Variants in CRYBG1 observed in about 807,000 individuals in gnomAD.
The protein encoded by CRYBG1 is beta/gamma crystallin domain-containing protein 1.
Under a neutral mutation model 189.2 loss-of-function variants are expected in CRYBG1, and 139 were observed. That is an observed-to-expected ratio of 0.73 (90% CI 0.64 to 0.85). The LOEUF (loss-of-function observed/expected upper bound fraction) is 0.85. Ranked by LOEUF, CRYBG1 falls within the 40% of genes least tolerant of loss-of-function variation. The pLI, the probability that CRYBG1 is intolerant of heterozygous loss-of-function variation, is 0.00. For synonymous variants in CRYBG1, 1,023 were observed against 1,017.1 expected, an observed-to-expected ratio of 1.01 and a Z score of -0.11; for missense variants, 2,611 against 2,675.8, an observed-to-expected ratio of 0.98 and a Z score of 0.53.
At chr6:106,509,821 C>G (rs576882966) in intron 2 of CRYBG1, among the ~76,000 whole-genome samples, 2 of 152,092 alleles carry the variant, frequency 1.3e-5, no homozygotes, top group African/African-American at 2.4e-5. Context: ...CTCTCCCCCC[C>G]ACCCCAATTT....
intron 1 of CRYBG1, among the ~76,000 whole-genome samples, chr6:106,395,159 C>G (rs1182808362): frequency 6.6e-6 from 1 of 151,764 alleles, no homozygotes; most frequent in Admixed American, 6.6e-5. Flanking sequence ...CTTTGAGAGG[C>G]TGAGGTGGGC....
At chr6:106,525,003 T>C (rs933799332) in intron 4 of CRYBG1, 130 bp from the exon 5 acceptor site, 14 of 864,606 alleles carry the variant, frequency 1.6e-5, no homozygotes, top group Non-Finnish European at 2.4e-5. Context: ...TTAGCATCCA[T>C]TAGAGTGGAG....
At chr6:106,384,464 G>A (rs1003603459) in intron 1 of CRYBG1, among the ~76,000 whole-genome samples, 22 of 152,196 alleles carry the variant, frequency 1.4e-4, no homozygotes, top group African/African-American at 5.1e-4. Flanking sequence ...ATCAGTGGGA[G>A]CCCTAAGCAT....
In CRYBG1 at chr6:106,527,346, TC is replaced by T. The variant is rs1026349707; in HGVS notation, c.4458del (p.Leu1487Ter). On this transcript the variant is annotated frameshift_variant, in exon 7 of 22. Transcript: ENST00000633556. LOFTEE classifies it high-confidence loss of function. ...YEQPNFEGHS[I>X]PLEEGELELS... is the part of the protein sequence containing the mutation. ...CAACCAAATTTTGAAGGGCACTCCA[TC>T]CCCTTAGAAGAAGGAGAATTGGAAC... is the stretch of plus-strand genomic sequence containing the variant. 3.7e-6 allele frequency: 6 copies of T among 1,613,094 alleles called. No individual in the cohort carries two copies. The highest frequency in any genetic ancestry group is 4.2e-6 in the Non-Finnish European group (5 of 1,179,504).
rs1340080487 is a variant in CRYBG1 at position 106,519,399 on chromosome 6, A to G, written c.2191A>G (p.Lys731Glu). ...KKAKEMEQPE[K>E]KVMPNSPQNG... ...AGCCAAAGAAATGGAGCAACCTGAA[A>G]AGAAAGTAATGCCAAACAGTCCCCA... Residue 731 changes from lysine (K) to glutamate (E), a missense_variant, in exon 4 of 22, where the codon AAG becomes GAG. Coordinates refer to ENST00000633556, the MANE Select transcript of CRYBG1 (RefSeq NM_001371242.2). 6.2e-7 allele frequency: 1 copy of G among 1,614,150 alleles called. No individual in the cohort carries two copies. The highest frequency in any genetic ancestry group is 2.2e-5 in the East Asian group (1 of 44,882).
At chr6:106,458,699 A>G (rs1035688148) in intron 2 of CRYBG1, among the ~76,000 whole-genome samples, 58 of 152,310 alleles carry the variant, frequency 3.8e-4, no homozygotes, top group African/African-American at 1.3e-3. Flanking sequence ...AGAGCAGGAA[A>G]TCTCACCAAA....
intron 2 of CRYBG1, among the ~76,000 whole-genome samples, chr6:106,466,313 A>T (rs1772114043): frequency 6.6e-6 from 1 of 152,242 alleles, no homozygotes; most frequent in Non-Finnish European, 1.5e-5. Context: ...AAAGTATATA[A>T]ATAAGGAGAG....
intron 2 of CRYBG1, among the ~76,000 whole-genome samples, chr6:106,510,375 C>T (rs1341140455): frequency 6.6e-6 from 1 of 152,260 alleles, no homozygotes; most frequent in Non-Finnish European, 1.5e-5. Context: ...CCACCGCGCC[C>T]ATTGGCGGGT....
Position 106,521,438 on chromosome 6 carries a change from A to G in CRYBG1, c.4230A>G (p.Ser1410=). 1 of 1,581,290 alleles carries G rather than the reference A, an allele frequency of 6.3e-7. No individual in the cohort carries two copies. The part of the protein sequence containing the change: ...YDPSISFSGM[S]LSDTMTLRGS... ...CAAGCATTTCTTTTTCTGGAATGTC[A>G]TTATCAGACACAATGGTAAGTAGCA... The change falls in exon 4 of 22, where the codon TCA becomes TCG. Residue 1410 remains serine, a synonymous_variant. Transcript: ENST00000633556.
In CRYBG1 at chr6:106,521,075, G is replaced by A. The variant is rs1393203266; in HGVS notation, c.3867G>A (p.Glu1289=). ...CTTCAGTGTCACAGCCCACGACTGA[G>A]GGTGCCCCGCCCTGTGGTTTGAACA... The part of the protein sequence containing the change: ...SQSSVSQPTT[E]GAPPCGLNKE... The change falls in exon 4 of 22, where the codon GAG becomes GAA. Residue 1289 remains glutamate, a synonymous_variant. Coordinates refer to ENST00000633556, the MANE Select transcript of CRYBG1 (RefSeq NM_001371242.2). The A allele has an allele frequency of 6.2e-7, 1 of 1,614,138 alleles. No homozygotes were observed.
chr6:106,390,067 A>AT (rs1179367550), intron 1 of CRYBG1, among the ~76,000 whole-genome samples: 2 of 152,056 alleles, frequency 1.3e-5, no homozygotes, highest in Non-Finnish European at 2.9e-5. Context: ...AGTTTAATTA[A>AT]TTTTTTTGAA....
intron 2 of CRYBG1, among the ~76,000 whole-genome samples, chr6:106,478,296 T>C (rs1772375051): frequency 6.6e-6 from 1 of 152,272 alleles, no homozygotes; most frequent in African/African-American, 2.4e-5. Context: ...TTATCTCTTC[T>C]TGTAAACCTT....
chr6:106,433,718 A>AATATATATATATATATATATAT (rs746712213), intron 1 of CRYBG1, among the ~76,000 whole-genome samples: 5 of 64,928 alleles, frequency 7.7e-5, no homozygotes, highest in African/African-American at 5.1e-4. Flanking sequence ...GAAACTGGGA[A>AATATATATATATATATATATAT]ATATATATAT....
At chr6:106,540,831 A>C (rs750499233) in intron 9 of CRYBG1, among the ~76,000 whole-genome samples, 2 of 152,126 alleles carry the variant, frequency 1.3e-5, no homozygotes, top group Non-Finnish European at 2.9e-5. Context: ...TTTTAAAAAA[A>C]TCCAACTTTC....
intron 2 of CRYBG1, among the ~76,000 whole-genome samples, chr6:106,496,750 T>C (rs1456655437): frequency 6.6e-6 from 1 of 152,214 alleles, no homozygotes; most frequent in African/African-American, 2.4e-5. Flanking sequence ...AGGTTGTTTG[T>C]CTCTTGAGTT....
Position 106,568,509 on chromosome 6 carries a change from C to T in CRYBG1, c.6339C>T (p.Asn2113=), listed in dbSNP as rs1328458031. 1.2e-6 allele frequency: 2 copies of T among 1,613,984 alleles called. No homozygotes were observed. Among genetic ancestry groups the T allele is most frequent in the South Asian group, 2.2e-5 (2 of 91,070 alleles). ...TQYDQNHIIL[N]TVSKEKFTQV... is the part of the protein sequence containing the mutation. ...ATGATCAAAATCACATTATCCTCAA[C>T]ACTGTCAGCAAAGAGAAGTTTACAC... Residue 2113 remains asparagine (N), a synonymous_variant, in exon 22 of 22, where the codon AAC becomes AAT. Transcript: ENST00000633556.
chr6:106,560,822 G>A lies in CRYBG1; in HGVS notation c.5875G>A (p.Gly1959Ser). ...TTTCAGATGGGTTACTTATGAATATGGCAGTTACAGAGGGCGACAGTTCCT... is the reference window on the plus strand; with the variant it reads ...TTTCAGATGGGTTACTTATGAATATAGCAGTTACAGAGGGCGACAGTTCCT... ...IGGIWVTYEYGSYRGRQFLLS... is the reference protein window; with the variant it reads ...IGGIWVTYEYSSYRGRQFLLS... The change falls in exon 19 of 22, where the codon GGC (glycine) becomes AGC (serine). Residue 1959 changes from glycine to serine, a missense_variant. Physicochemically the swap from Gly to Ser is moderately conservative, Grantham distance 56. Coordinates refer to ENST00000633556, the MANE Select transcript of CRYBG1 (RefSeq NM_001371242.2). 6.2e-7 allele frequency: 1 copy of A among 1,612,334 alleles called. No individual in the cohort carries two copies. Among genetic ancestry groups the A allele is most frequent in the Non-Finnish European group, 8.5e-7 (1 of 1,179,400 alleles).
chr6:106,506,418 A>C (rs924510484), intron 2 of CRYBG1, among the ~76,000 whole-genome samples: 3 of 130,572 alleles, frequency 2.3e-5, no homozygotes, highest in Admixed American at 2.3e-4. Flanking sequence ...ACATCACTTT[A>C]CTCAAAATGT....
chr6:106,478,633 C>T (rs898305703), intron 2 of CRYBG1, among the ~76,000 whole-genome samples: 3 of 152,178 alleles, frequency 2.0e-5, no homozygotes, highest in Non-Finnish European at 4.4e-5. Context: ...AGATCAGGGG[C>T]CCCCGACCCC....
Sources: gnomAD v4.1 joint callset for allele counts (sites outside exome capture counted in the v4.1 genomes callset) on GRCh38, gnomAD v4.1.1 for gene constraint, MANE v1.5 for transcripts, NCBI Gene and HGNC (gene_info 2026-07-23, HGNC 2026-07-21) for gene names.